The following LEF1 variants were observed in gnomAD, a reference collection of about 807,000 sequenced individuals.
LEF1 encodes the protein lymphoid enhancer binding factor 1, also known as lymphoid enhancer-binding factor 1.
A neutral mutation model predicts 51.2 loss-of-function variants in LEF1; 14 were observed. The observed-to-expected ratio is 0.27, with a 90% CI of 0.18 to 0.43. LEF1 has a LOEUF of 0.43. Among genes scored for constraint, LEF1 ranks in the 20% least tolerant of loss-of-function variants. The pLI is 1.00. For synonymous variants in LEF1, 185 were observed against 183.2 expected (o/e 1.01, Z -0.08); for missense variants, 386 against 512.0 (o/e 0.75, Z 2.37).
intron 3 of LEF1, among the ~76,000 whole-genome samples, chr4:108,137,172 T>C (rs920059872): frequency 6.6e-6 from 1 of 152,174 alleles, no homozygotes; most frequent in Non-Finnish European, 1.5e-5. Flanking sequence ...TTACAAAACA[T>C]CACAAATCAT....
At chr4:108,161,347 A>G (rs1344303930) in intron 3 of LEF1, among the ~76,000 whole-genome samples, 1 of 152,220 alleles carries the variant, frequency 6.6e-6, no homozygotes, top group African/African-American at 2.4e-5. Context: ...CATGCCTAAA[A>G]TAAATACATC....
chr4:108,116,303 T>C (rs958469753), intron 3 of LEF1, among the ~76,000 whole-genome samples: 7 of 152,126 alleles, frequency 4.6e-5, no homozygotes, highest in Admixed American at 1.3e-4. Context: ...AGAGGACTGC[T>C]TGAACCCAGG....
intron 3 of LEF1, among the ~76,000 whole-genome samples, chr4:108,158,916 G>C (rs1386385995): frequency 6.6e-6 from 1 of 151,910 alleles, no homozygotes; most frequent in East Asian, 1.9e-4. Context: ...CTGTATGGGA[G>C]TGGAAAAAAT....
Position 108,155,639 on chromosome 4 carries a change from G to A in LEF1, c.414+7929C>T, listed in dbSNP as rs191106806. 2.3e-4 allele frequency among the ~76,000 whole-genome samples: 35 copies of A among 152,290 alleles called. No homozygotes were observed. The East Asian group carries it at 3.9e-3, about 17-fold the overall frequency. On this transcript the variant is annotated intron_variant, in intron 3 of 11. Transcript: ENST00000265165. ...ACACCATCTTAGACTCCTGCTCTGC[G>A]GCCACAGCTAGAAAACAGCGCTTTT... is the stretch of plus-strand genomic sequence containing the variant.
intron 3 of LEF1, among the ~76,000 whole-genome samples, chr4:108,128,594 G>C (rs939703809): frequency 4.6e-5 from 7 of 151,646 alleles, no homozygotes; most frequent in African/African-American, 1.7e-4. Context: ...CTTATTTTAA[G>C]GCTGATTCTA....
intron 11 of LEF1, among the ~76,000 whole-genome samples, chr4:108,058,673 G>A (rs935780166): frequency 2.0e-5 from 3 of 152,086 alleles, no homozygotes; most frequent in Admixed American, 2.0e-4. Context: ...TTTTATATAA[G>A]GCACAGCATG....
At chr4:108,082,724 A>G (rs549068515) in intron 5 of LEF1, among the ~76,000 whole-genome samples, 122 of 152,310 alleles carry the variant, frequency 8.0e-4, no homozygotes, top group African/African-American at 2.7e-3. Context: ...CCCAAAATAT[A>G]TTTCCTTCAC....
At chr4:108,110,919 A>G (rs916560763) in intron 3 of LEF1, among the ~76,000 whole-genome samples, 1 of 152,194 alleles carries the variant, frequency 6.6e-6, no homozygotes, top group Non-Finnish European at 1.5e-5. Context: ...ACTCTAGGTT[A>G]CAACTCATTT....
chr4:108,167,472 G>T lies in LEF1; in HGVS notation c.213+83C>A. The stretch of plus-strand genomic sequence containing the variant: ...ACTCGGGACCCTCAGCCGGGCGGCC[G>T]GGCGCCTTCGTTCCCTTCCTCCCTC... On this transcript the variant is annotated intron_variant, in intron 1 of 11. Transcript: ENST00000265165. This position sits in a 1 kb window ranked among gnomAD's most constrained non-coding sequence, Gnocchi z 5.7. The T allele has an allele frequency of 1.4e-6, 2 of 1,423,958 alleles. No homozygotes were observed. Among genetic ancestry groups the T allele is most frequent in the Non-Finnish European group, 1.9e-6 (2 of 1,027,444 alleles). 88.2% of individuals were successfully genotyped at this position (1,423,958 alleles called of 1,614,324 possible).
chr4:108,108,980 T>C (rs1741353863), intron 3 of LEF1, among the ~76,000 whole-genome samples: 1 of 152,190 alleles, frequency 6.6e-6, no homozygotes, highest in Admixed American at 6.5e-5. Context: ...TCAATAGGTC[T>C]CTCCAGTGTC....
intron 3 of LEF1, among the ~76,000 whole-genome samples, chr4:108,153,945 T>G: frequency 6.6e-6 from 1 of 152,230 alleles, no homozygotes; most frequent in Non-Finnish European, 1.5e-5. Flanking sequence ...TATTTGTGTT[T>G]GTTTACCTAC....
At chr4:108,058,799 C>T (rs1737475433) in intron 11 of LEF1, among the ~76,000 whole-genome samples, 1 of 152,192 alleles carries the variant, frequency 6.6e-6, no homozygotes. Context: ...CAAACACCCC[C>T]ACCGCCTAAC....
At chr4:108,091,479 C>T (rs1032605900) in intron 3 of LEF1, among the ~76,000 whole-genome samples, 2 of 151,418 alleles carry the variant, frequency 1.3e-5, no homozygotes, top group Admixed American at 1.3e-4. Flanking sequence ...AAAAATCACA[C>T]TTTTTTTGGA....
At chr4:108,103,414 C>A (rs916592997) in intron 3 of LEF1, among the ~76,000 whole-genome samples, 3 of 152,304 alleles carry the variant, frequency 2.0e-5, no homozygotes, top group Non-Finnish European at 2.9e-5. Flanking sequence ...AAAGAAACAT[C>A]CATTTTAAGG....
chr4:108,102,987 C>T (rs1417028867), intron 3 of LEF1, among the ~76,000 whole-genome samples: 1 of 152,198 alleles, frequency 6.6e-6, no homozygotes, highest in Non-Finnish European at 1.5e-5. Context: ...CAAGAAAGCT[C>T]AGCAAAGTCC....
intron 9 of LEF1, among the ~76,000 whole-genome samples, chr4:108,064,611 T>C (rs923836911): frequency 1.3e-5 from 2 of 151,862 alleles, no homozygotes; most frequent in Non-Finnish European, 2.9e-5. Flanking sequence ...ATCATCAATA[T>C]TGACACCGTG....
At chr4:108,157,151 TC>T (rs1434153097) in intron 3 of LEF1, among the ~76,000 whole-genome samples, 1 of 23,306 alleles carries the variant, frequency 4.3e-5, no homozygotes. Flanking sequence ...CTCTTCATTC[TC>T]TCTCTCTCTC....
chr4:108,167,754 G>A lies in LEF1; in HGVS notation c.14C>T (p.Ser5Phe). ...CCCCCCGCCGCCGCCACCTCCTCCG[G>A]AGAGTTGGGGCATCCCGGCGGCTCT... The part of the protein sequence containing the change: MPQL[S>F]GGGGGGGGDP... Residue 5 changes from serine (S) to phenylalanine (F), a missense_variant, in exon 1 of 12, where the codon TCC (serine) becomes TTC (phenylalanine). By Grantham distance (155) the Ser-to-Phe change is radical. This residue lies in a region of LEF1 where 335 missense variants were observed against 390.7 expected (regional missense o/e 0.86). Transcript: ENST00000265165. This position sits in a 1 kb window ranked among gnomAD's most constrained non-coding sequence, Gnocchi z 5.7. The A allele has an allele frequency of 6.2e-7, 1 of 1,612,876 alleles. No individual in the cohort carries two copies.
At chr4:108,161,379 C>A (rs1454603420) in intron 3 of LEF1, among the ~76,000 whole-genome samples, 2 of 152,092 alleles carry the variant, frequency 1.3e-5, no homozygotes, top group Non-Finnish European at 2.9e-5. Flanking sequence ...CAGAATAAAG[C>A]AAAGCAACAG....
Sources: gnomAD v4.1 joint callset for allele counts (sites outside exome capture counted in the v4.1 genomes callset) on GRCh38, gnomAD v4.1.1 for gene constraint, gnomAD v4.1.1 regional missense constraint, Gnocchi (gnomAD v3.1) non-coding constraint, MANE v1.5 for transcripts, NCBI Gene and HGNC (gene_info 2026-07-23, HGNC 2026-07-21) for gene names.